SLC8A1: variants seen among roughly 807,000 people sequenced by gnomAD.
SLC8A1 encodes sodium/calcium exchanger 1.
Under a neutral mutation model 68.3 loss-of-function variants are expected in SLC8A1, and 18 were observed. That is an observed-to-expected ratio of 0.26 (90% confidence interval 0.18 to 0.39). The LOEUF is 0.39. Among genes scored for constraint, SLC8A1 ranks in the 10% least tolerant of loss-of-function variants. The pLI is 1.00. For synonymous variants in SLC8A1, 475 were observed against 415.5 expected (o/e 1.14, Z -1.74); for missense variants, 985 against 1,156.7 (o/e 0.85, Z 2.15).
intron 6 of SLC8A1, among the ~76,000 whole-genome samples, chr2:40,158,475 A>G (rs2045019836): frequency 6.6e-6 from 1 of 152,242 alleles, no homozygotes; most frequent in African/African-American, 2.4e-5. Flanking sequence ...CTTATTTCCA[A>G]GCGGTCATTT....
chr2:40,118,943 C>T (rs2125092474), intron 7 of SLC8A1, among the ~76,000 whole-genome samples: 1 of 152,176 alleles, frequency 6.6e-6, no homozygotes, highest in Admixed American at 6.5e-5. Context: ...CTCAGAAACT[C>T]TGGGCTTTCT....
chr2:40,181,004 G>A (rs1318274180), intron 2 of SLC8A1, among the ~76,000 whole-genome samples: 1 of 152,012 alleles, frequency 6.6e-6, no homozygotes, highest in Non-Finnish European at 1.5e-5. Flanking sequence ...TTATTGCCCA[G>A]GCTGGAGTGC....
chr2:40,154,615 C>G (rs1182054322), intron 6 of SLC8A1, among the ~76,000 whole-genome samples: 2 of 151,048 alleles, frequency 1.3e-5, no homozygotes, highest in Non-Finnish European at 3.0e-5. Flanking sequence ...GTGTGAGCCA[C>G]TGCGCCCAGC....
chr2:40,312,820 TCA>T (rs775613356), intron 2 of SLC8A1, among the ~76,000 whole-genome samples: 12 of 152,078 alleles, frequency 7.9e-5, no homozygotes, highest in Non-Finnish European at 1.3e-4. Flanking sequence ...TATATTCTTT[TCA>T]CAGTTACTCC....
chr2:40,432,989 A>G (rs1298643168), intron 1 of SLC8A1, among the ~76,000 whole-genome samples: 1 of 152,136 alleles, frequency 6.6e-6, no homozygotes, highest in Non-Finnish European at 1.5e-5. Flanking sequence ...GAAAGGTGAA[A>G]TATTTGTGAT....
At chr2:40,117,398 A>AGG (rs2035703192) in intron 7 of SLC8A1, among the ~76,000 whole-genome samples, 4 of 142,948 alleles carry the variant, frequency 2.8e-5, no homozygotes, top group Non-Finnish European at 6.1e-5. Context: ...AATACAAAAA[A>AGG]AAAAAAAAAA....
At chr2:40,261,502 G>A (rs777873508) in intron 2 of SLC8A1, among the ~76,000 whole-genome samples, 41 of 152,134 alleles carry the variant, frequency 2.7e-4, no homozygotes, top group Admixed American at 2.6e-4. Context: ...AGGCTGTTTT[G>A]GGTGACTTCA....
intron 2 of SLC8A1, among the ~76,000 whole-genome samples, chr2:40,389,098 A>AGTGT (rs3060358): frequency 3.3e-5 from 5 of 151,810 alleles, no homozygotes; most frequent in African/African-American, 2.4e-5. Context: ...CATATATTTG[A>AGTGT]GTGTGTGTGT....
chr2:40,429,391 T>G (rs769326076), exon 2 of SLC8A1: 5 of 1,613,818 alleles, frequency 3.1e-6, no homozygotes, highest in Admixed American at 1.7e-5. Flanking sequence ...AACATGAGAA[T>G]TGACCACTTT....
intron 1 of SLC8A1, among the ~76,000 whole-genome samples, chr2:40,445,650 A>G (rs1380382938): frequency 6.6e-6 from 1 of 152,220 alleles, no homozygotes; most frequent in Non-Finnish European, 1.5e-5. Flanking sequence ...ATGAAGCAAC[A>G]GAAGGACTGA....
At chr2:40,415,863 C>CACACACAA (rs1183066381) in intron 2 of SLC8A1, among the ~76,000 whole-genome samples, 6 of 34,140 alleles carry the variant, frequency 1.8e-4, no homozygotes, top group Non-Finnish European at 3.2e-4. Flanking sequence ...AAAGTATACA[C>CACACACAA]ACACACACAC....
intron 7 of SLC8A1, among the ~76,000 whole-genome samples, chr2:40,121,397 C>T (rs1223807410): frequency 6.6e-6 from 1 of 152,140 alleles, no homozygotes; most frequent in East Asian, 1.9e-4. Flanking sequence ...AAGTAAGAAG[C>T]TGGTTTCTCT....
intron 2 of SLC8A1, among the ~76,000 whole-genome samples, chr2:40,299,483 C>A (rs2071027099): frequency 6.6e-6 from 1 of 152,048 alleles, no homozygotes; most frequent in Non-Finnish European, 1.5e-5. Context: ...TTGAAGGAGC[C>A]CTGGAAGATC....
chr2:40,348,836 A>G (rs1158503324), intron 2 of SLC8A1, among the ~76,000 whole-genome samples: 1 of 152,176 alleles, frequency 6.6e-6, no homozygotes, highest in Non-Finnish European at 1.5e-5. Context: ...GTCGTAACAC[A>G]TGCATCACAG....
intron 2 of SLC8A1, among the ~76,000 whole-genome samples, chr2:40,224,571 G>A (rs992735502): frequency 2.0e-5 from 3 of 151,876 alleles, no homozygotes; most frequent in Admixed American, 6.6e-5. Flanking sequence ...CATCATCCAC[G>A]GAAATGAAAA....
chr2:40,138,491 C>T (rs1488445196), intron 7 of SLC8A1, among the ~76,000 whole-genome samples: 4 of 152,126 alleles, frequency 2.6e-5, no homozygotes, highest in South Asian at 4.1e-4. Flanking sequence ...TATTGTTGCT[C>T]AAAGTAAAGG....
chr2:40,178,235 C>A, intron 2 of SLC8A1, 152 bp downstream of exon 3: 1 of 680,356 alleles, frequency 1.5e-6, no homozygotes, highest in Non-Finnish European at 2.6e-6. Flanking sequence ...TAGCTACAGG[C>A]CTGCCTACTG....
chr2:40,265,037 G>T (rs1321557529), intron 2 of SLC8A1, among the ~76,000 whole-genome samples: 1 of 152,160 alleles, frequency 6.6e-6, no homozygotes, highest in Non-Finnish European at 1.5e-5. Context: ...CTAATGAAAT[G>T]TAAATGACAG....
intron 7 of SLC8A1, among the ~76,000 whole-genome samples, chr2:40,133,980 A>G (rs2039979140): frequency 6.6e-6 from 1 of 152,096 alleles, no homozygotes; most frequent in Non-Finnish European, 1.5e-5. Flanking sequence ...TTTATTTTGA[A>G]CCTGTTTTTC....
Sources: gnomAD v4.1 joint callset for allele counts (sites outside exome capture counted in the v4.1 genomes callset) on GRCh38, gnomAD v4.1.1 for gene constraint, MANE v1.5 for transcripts, NCBI Gene and HGNC (gene_info 2026-07-23, HGNC 2026-07-21) for gene names.